SRBD1: variants seen among roughly 807,000 people sequenced by gnomAD.
SRBD1 encodes S1 RNA binding domain 1.
A neutral mutation model predicts 115.3 loss-of-function variants in SRBD1; 88 were observed. The ratio of observed to expected loss-of-function variants is 0.76; its 90% CI spans 0.64 to 0.91. The LOEUF is 0.91. Ranked by LOEUF, SRBD1 falls within the 40% of genes least tolerant of loss-of-function variation. The probability of loss-of-function intolerance (pLI) is 0.00; values close to 1 mark genes in which losing one functional copy is unlikely to be tolerated. For missense variants in SRBD1, 1,385 were observed against 1,177.4 expected (o/e 1.18, Z -2.58); for synonymous variants, 509 against 407.7 (o/e 1.25, Z -2.99).
In SRBD1 at chr2:45,406,945, G is replaced by C. The variant is rs142121556; in HGVS notation, c.2513+6169C>G. Among the ~76,000 whole-genome samples, 82 of 151,816 alleles carry C rather than the reference G, an allele frequency of 5.4e-4. 1 individual carries two copies. The highest frequency in any genetic ancestry group is 1.9e-3 in the African/African-American group (80 of 41,376). On this transcript the variant is annotated intron_variant, in intron 19 of 20. Coordinates refer to ENST00000263736, the MANE Select transcript of SRBD1 (RefSeq NM_018079.5). ...ACTTTTCTGTGCAGAATAATACATA[G>C]AGTCTTTAGGGTACAATACCTTTAA... is the stretch of plus-strand genomic sequence containing the variant.
chr2:45,563,743 A>C (rs192572185), intron 9 of SRBD1, among the ~76,000 whole-genome samples: 18 of 152,176 alleles, frequency 1.2e-4, no homozygotes, highest in Non-Finnish European at 2.2e-4. Flanking sequence ...TACCAAAAAC[A>C]AACCAAAAAG....
intron 14 of SRBD1, chr2:45,546,296 T>C (rs1251946248): frequency 3.0e-6 from 3 of 985,324 alleles, no homozygotes; most frequent in Non-Finnish European, 3.6e-6. Flanking sequence ...CTGGAAATAC[T>C]TTTTAATTCA....
intron 14 of SRBD1, among the ~76,000 whole-genome samples, chr2:45,495,229 T>C (rs1670419259): frequency 6.6e-6 from 1 of 152,148 alleles, no homozygotes; most frequent in Non-Finnish European, 1.5e-5. Flanking sequence ...AGACCCGAAT[T>C]ACCAACTAAA....
chr2:45,441,531 T>C (rs3770251), intron 16 of SRBD1, among the ~76,000 whole-genome samples: 102,941 of 152,124 alleles, frequency 0.68, 35,880 homozygotes, highest in African/African-American at 0.82. Context: ...ATCTCTTTGT[T>C]CATTTGCTGG....
At chr2:45,590,472 T>A (rs1276473146) in intron 4 of SRBD1, among the ~76,000 whole-genome samples, 1 of 152,152 alleles carries the variant, frequency 6.6e-6, no homozygotes, top group South Asian at 2.1e-4. Flanking sequence ...TGATTTGTAA[T>A]CCCCATAATC....
chr2:45,527,590 A>G (rs1671487117), intron 14 of SRBD1, among the ~76,000 whole-genome samples: 1 of 151,866 alleles, frequency 6.6e-6, no homozygotes, highest in Admixed American at 6.6e-5. Flanking sequence ...AATAAAAATA[A>G]CTGCTAATAT....
intron 16 of SRBD1, among the ~76,000 whole-genome samples, chr2:45,472,692 A>C (rs563254476): frequency 2.6e-5 from 4 of 152,242 alleles, no homozygotes; most frequent in Admixed American, 6.5e-5. Flanking sequence ...TGGTCTACTA[A>C]GACTCCTGCA....
intron 9 of SRBD1, among the ~76,000 whole-genome samples, chr2:45,563,133 G>C (rs1672725525): frequency 6.6e-6 from 1 of 151,998 alleles, no homozygotes; most frequent in African/African-American, 2.4e-5. Flanking sequence ...AAAATCCTAG[G>C]TGCAATATTT....
At chr2:45,589,789 A>G (rs190630760) in intron 4 of SRBD1, among the ~76,000 whole-genome samples, 123 of 152,358 alleles carry the variant, frequency 8.1e-4, no homozygotes, top group Middle Eastern at 6.8e-3. Context: ...CATTTATTTT[A>G]GCTCATATTA....
At chr2:45,557,624 G>A (rs552148482) in intron 10 of SRBD1, among the ~76,000 whole-genome samples, 1 of 152,128 alleles carries the variant, frequency 6.6e-6, no homozygotes, top group Non-Finnish European at 1.5e-5. Flanking sequence ...CTACATTATA[G>A]AAACTCCTTT....
chr2:45,427,553 A>T (rs1668193072), intron 16 of SRBD1, among the ~76,000 whole-genome samples: 1 of 152,246 alleles, frequency 6.6e-6, no homozygotes, highest in African/African-American at 2.4e-5. Flanking sequence ...TGGTAAAGGG[A>T]TCATTGCAAC....
intron 6 of SRBD1, among the ~76,000 whole-genome samples, chr2:45,580,677 T>C (rs1418241245): frequency 2.5e-5 from 2 of 81,386 alleles, no homozygotes; most frequent in African/African-American, 6.4e-5. Flanking sequence ...CTTCTACTTC[T>C]TTTTTTTTTT....
chr2:45,601,918 A>G lies in SRBD1; in HGVS notation c.246T>C (p.Val82=), dbSNP rs1305627423. 1.9e-6 allele frequency: 3 copies of G among 1,614,144 alleles called. No individual in the cohort carries two copies. ...PQISDGSEVV[V]VKEELNSSVA... ...TAGCACCTACCAGCTCCTCCTTAAC[A>G]ACAACGACTTCTGAGCCATCACTGA... The change falls in exon 3 of 21, where the codon GTT becomes GTC. Residue 82 remains valine (V), a synonymous_variant. Coordinates refer to ENST00000263736, the MANE Select transcript of SRBD1 (RefSeq NM_018079.5).
At position 45,413,161 on chromosome 2, in the gene SRBD1, A is replaced by G. The variant is rs776484065; in HGVS notation, c.2466T>C (p.Pro822=). The G allele has an allele frequency of 6.2e-7, 1 of 1,614,098 alleles. No individual in the cohort carries two copies. Among genetic ancestry groups the G allele is most frequent in the South Asian group, 1.1e-5 (1 of 91,072 alleles). ...CTGGATGAATACAAGTTTGGTCCAAAGGATTTGGCTTCAGTAAAACATTCA... is the reference window on the plus strand; with the variant it reads ...CTGGATGAATACAAGTTTGGTCCAAGGGATTTGGCTTCAGTAAAACATTCA... ...TAVNVLLKPN[P]LDQTCIHPES... is the part of the protein sequence containing the mutation. Residue 822 remains proline, a synonymous_variant, in exon 19 of 21, where the codon CCT becomes CCC. Coordinates refer to ENST00000263736, the MANE Select transcript of SRBD1 (RefSeq NM_018079.5).
At chr2:45,421,039 G>A (rs1301706458) in intron 16 of SRBD1, among the ~76,000 whole-genome samples, 1 of 152,070 alleles carries the variant, frequency 6.6e-6, no homozygotes, top group Non-Finnish European at 1.5e-5. Flanking sequence ...GTCCTTAAAT[G>A]GTTTATTATT....
chr2:45,580,122 C>G (rs897077150), intron 6 of SRBD1, 109 bp from the exon 7 acceptor site: 8 of 900,512 alleles, frequency 8.9e-6, no homozygotes, highest in Non-Finnish European at 1.2e-5. Flanking sequence ...ATCCTTTTCT[C>G]AATCTTTTCC....
intron 16 of SRBD1, among the ~76,000 whole-genome samples, chr2:45,472,146 C>G (rs886398324): frequency 1.3e-5 from 2 of 152,092 alleles, no homozygotes; most frequent in Non-Finnish European, 2.9e-5. Flanking sequence ...CACTGGAATA[C>G]TACTTAGCCA....
chr2:45,435,939 A>G (rs141699223), intron 16 of SRBD1, among the ~76,000 whole-genome samples: 153 of 152,292 alleles, frequency 1.0e-3, no homozygotes, highest in African/African-American at 3.4e-3. Context: ...TAATTCCAAA[A>G]CCAGACAAAG....
chr2:45,428,504 C>G (rs966911336), intron 16 of SRBD1, among the ~76,000 whole-genome samples: 1 of 152,006 alleles, frequency 6.6e-6, no homozygotes, highest in Non-Finnish European at 1.5e-5. Flanking sequence ...TGAGCCGAGA[C>G]TGCGCCACTG....
Sources: gnomAD v4.1 joint callset for allele counts (sites outside exome capture counted in the v4.1 genomes callset) on GRCh38, gnomAD v4.1.1 for gene constraint, MANE v1.5 for transcripts, NCBI Gene and HGNC (gene_info 2026-07-23, HGNC 2026-07-21) for gene names.